QKI: variants seen among roughly 807,000 people sequenced by gnomAD.
The protein encoded by QKI is QKI, KH domain containing RNA binding, also known as KH domain-containing RNA-binding protein QKI.
Under a neutral mutation model 39.0 loss-of-function variants are expected in QKI, and 10 were observed. That is an observed-to-expected ratio of 0.26 (90% CI 0.16 to 0.43). The LOEUF is 0.43. Among genes scored for constraint, QKI ranks in the 20% least tolerant of loss-of-function variants. QKI has a pLI of 1.00. For synonymous variants in QKI, 204 were observed against 155.4 expected, an observed-to-expected ratio of 1.31 and a Z score of -2.33; for missense variants, 218 against 428.0, an observed-to-expected ratio of 0.51 and a Z score of 4.33.
At chr6:163,515,813 A>T (rs1779756422) in intron 3 of QKI, among the ~76,000 whole-genome samples, 3 of 152,202 alleles carry the variant, frequency 2.0e-5, no homozygotes. Context: ...GGCATAGGTA[A>T]TTAGTGACTG....
intron 3 of QKI, among the ~76,000 whole-genome samples, 194 bp from the exon 4 acceptor site, chr6:163,534,788 T>TA (rs1412157496): frequency 2.6e-5 from 4 of 152,178 alleles, no homozygotes; most frequent in African/African-American, 7.2e-5. Flanking sequence ...CTTGTTGGAT[T>TA]AATTATCATT....
intron 7 of QKI, chr6:163,568,466 A>G (rs560161406): frequency 3.9e-5 from 38 of 985,398 alleles, no homozygotes; most frequent in Non-Finnish European, 4.2e-5. Flanking sequence ...CACTGTTTTT[A>G]TTTAAAATGC....
intron 2 of QKI, among the ~76,000 whole-genome samples, chr6:163,474,413 C>T (rs1274061495): frequency 6.6e-6 from 1 of 151,468 alleles, no homozygotes; most frequent in Non-Finnish European, 1.5e-5. Context: ...GTTTAGCATC[C>T]AAAAGAATCT....
intron 1 of QKI, among the ~76,000 whole-genome samples, chr6:163,436,238 G>A (rs1297959961): frequency 1.3e-5 from 2 of 152,036 alleles, no homozygotes; most frequent in African/African-American, 4.8e-5. Flanking sequence ...AAACTACTGG[G>A]GTTTAAAGGT....
chr6:163,561,371 C>A (rs1782993455), intron 4 of QKI, among the ~76,000 whole-genome samples: 1 of 152,074 alleles, frequency 6.6e-6, no homozygotes, highest in South Asian at 2.1e-4. Context: ...CTTTGGGAGG[C>A]TGAAGCAGGA....
rs973296479 is a variant in QKI, at chr6:163,417,184, C to A, written c.142+1849C>A. Among the ~76,000 whole-genome samples the A allele has an allele frequency of 2.6e-5, 4 of 152,046 alleles. 1 individual carries two copies. In the South Asian group the frequency reaches 8.3e-4, roughly 31 times the overall value. ...ATGACGTTTCAAAATAACACTCTTA[C>A]TGTCTTCTCCTTGGCATATTTTGGT... On this transcript the variant is annotated intron_variant, in intron 1 of 7. Transcript: ENST00000361752.
rs1367092247 is a variant in QKI at position 163,480,674 on chromosome 6, A to G, written c.402+1778A>G. 5.3e-5 allele frequency among the ~76,000 whole-genome samples: 8 copies of G among 152,274 alleles called. No individual in the cohort carries two copies. In the East Asian group the frequency reaches 1.2e-3, roughly 22 times the overall value. On this transcript the variant is annotated intron_variant, in intron 3 of 7. Transcript: ENST00000361752. The stretch of plus-strand genomic sequence containing the variant: ...ATTAAATTTTTTTATGAGAATCTTA[A>G]AAAAATGTGCATATTTTGAATCAGT...
chr6:163,429,352 C>A (rs985183743), intron 1 of QKI, among the ~76,000 whole-genome samples: 1 of 152,090 alleles, frequency 6.6e-6, no homozygotes, highest in Non-Finnish European at 1.5e-5. Context: ...AGTCCCCCCC[C>A]ACCAGTGTTT....
intron 2 of QKI, among the ~76,000 whole-genome samples, chr6:163,461,167 CTT>C (rs1312264491): frequency 1.3e-5 from 2 of 152,078 alleles, no homozygotes; most frequent in South Asian, 4.1e-4. Flanking sequence ...GAAGTTTCCT[CTT>C]TATTTCACTC....
intron 4 of QKI, among the ~76,000 whole-genome samples, chr6:163,539,619 TG>T (rs1233146498): frequency 6.6e-6 from 1 of 152,136 alleles, no homozygotes; most frequent in Admixed American, 6.5e-5. Flanking sequence ...TTCTCTTCAG[TG>T]GAAGAGATGC....
At chr6:163,456,380 C>G (rs1221765437) in intron 2 of QKI, among the ~76,000 whole-genome samples, 1 of 152,062 alleles carries the variant, frequency 6.6e-6, no homozygotes, top group Non-Finnish European at 1.5e-5. Context: ...TGCTGTATCC[C>G]TCATAATATT....
intron 3 of QKI, among the ~76,000 whole-genome samples, chr6:163,520,544 C>T (rs149829118): frequency 1.3e-5 from 2 of 151,918 alleles, no homozygotes; most frequent in Admixed American, 1.3e-4. Flanking sequence ...AAAGGTGGTA[C>T]GAGATTGTCC....
chr6:163,499,864 C>T (rs892503521), intron 3 of QKI, among the ~76,000 whole-genome samples: 10 of 152,204 alleles, frequency 6.6e-5, no homozygotes, highest in South Asian at 2.1e-4. Flanking sequence ...AACAATTAAA[C>T]GAACAAAGGT....
intron 3 of QKI, 117 bp from the exon 4 acceptor site, chr6:163,534,865 A>G (rs936631982): frequency 2.4e-6 from 2 of 841,360 alleles, no homozygotes; most frequent in Non-Finnish European, 3.4e-6. Flanking sequence ...GACTTGTGCC[A>G]TCATAGCAAA....
At chr6:163,460,298 A>T (rs1480000974) in intron 2 of QKI, among the ~76,000 whole-genome samples, 1 of 152,198 alleles carries the variant, frequency 6.6e-6, no homozygotes, top group Non-Finnish European at 1.5e-5. Context: ...TCTTGGGTCT[A>T]GGCCATCATG....
intron 3 of QKI, among the ~76,000 whole-genome samples, chr6:163,489,337 G>T (rs1413361276): frequency 6.6e-6 from 1 of 151,966 alleles, no homozygotes; most frequent in African/African-American, 2.4e-5. Context: ...GTGTATGAGA[G>T]TAGCAGTTTC....
chr6:163,463,795 T>A (rs2128221321), intron 2 of QKI, among the ~76,000 whole-genome samples: 1 of 152,304 alleles, frequency 6.6e-6, no homozygotes, highest in South Asian at 2.1e-4. Flanking sequence ...TGTGAGAGTA[T>A]GAGATCCAAT....
intron 2 of QKI, among the ~76,000 whole-genome samples, chr6:163,469,618 T>C (rs935844345): frequency 6.6e-6 from 1 of 152,178 alleles, no homozygotes; most frequent in Admixed American, 6.5e-5. Context: ...CTTAAGTAAA[T>C]GTTTTGTTGA....
intron 1 of QKI, among the ~76,000 whole-genome samples, chr6:163,420,652 C>T (rs1275723506): frequency 2.0e-5 from 3 of 152,078 alleles, no homozygotes; most frequent in African/African-American, 4.8e-5. Flanking sequence ...ATTTTAAGTG[C>T]AATAATGTGT....
Sources: allele counts gnomAD v4.1 joint callset (sites outside exome capture counted in the v4.1 genomes callset), GRCh38; gene constraint gnomAD v4.1.1; transcripts MANE v1.5; gene names NCBI Gene and HGNC (gene_info 2026-07-23, HGNC 2026-07-21).